Variants in HS3ST4 observed in about 807,000 individuals in gnomAD.
The protein encoded by HS3ST4 is heparan sulfate-glucosamine 3-sulfotransferase 4.
HS3ST4 carries 17 observed loss-of-function variants against 29.2 expected under a neutral mutation model. That is an observed-to-expected ratio of 0.58 (90% confidence interval 0.40 to 0.87). The LOEUF is 0.87. Ranked by LOEUF, HS3ST4 falls within the 40% of genes least tolerant of loss-of-function variation. The pLI is 0.00. For missense variants in HS3ST4, 627 were observed against 634.5 expected, an observed-to-expected ratio of 0.99 and a Z score of 0.13; for synonymous variants, 314 against 285.7, an observed-to-expected ratio of 1.10 and a Z score of -1.00.
intron 1 of HS3ST4, among the ~76,000 whole-genome samples, chr16:26,056,040 CAGAG>C (rs55688033): frequency 0.21 from 30,688 of 147,630 alleles, 3,384 homozygotes; most frequent in Non-Finnish European, 0.25. Flanking sequence ...AAGAGAGAGA[CAGAG>C]AGAGAGAGAG....
At chr16:25,807,093 C>T (rs1966997537) in intron 1 of HS3ST4, among the ~76,000 whole-genome samples, 1 of 152,168 alleles carries the variant, frequency 6.6e-6, no homozygotes, top group Admixed American at 6.5e-5. Flanking sequence ...CTGCCCCAGC[C>T]TCCTGAGTAG....
intron 1 of HS3ST4, among the ~76,000 whole-genome samples, chr16:25,736,114 T>G (rs545712460): frequency 2.0e-5 from 3 of 152,330 alleles, no homozygotes; most frequent in Admixed American, 6.5e-5. Context: ...CATCTCCTCA[T>G]ACCACAGATT....
At chr16:25,765,239 G>A (rs145629275) in intron 1 of HS3ST4, among the ~76,000 whole-genome samples, 30 of 152,270 alleles carry the variant, frequency 2.0e-4, no homozygotes, top group African/African-American at 6.7e-4. Flanking sequence ...AACGAATTCT[G>A]GCATGAAATT....
rs147568352 is a variant in HS3ST4, at chr16:25,965,201, G to A, written c.735-170411G>A. Reference sequence around the variant, plus strand: ...AAACATCTGGTTCCTTTCAGGGAAGGTGTAGGCAGAGTGAGTGGAACATTG... The same window carrying A: ...AAACATCTGGTTCCTTTCAGGGAAGATGTAGGCAGAGTGAGTGGAACATTG... On this transcript the variant is annotated intron_variant, in intron 1 of 1. Transcript: ENST00000331351. 7.7e-3 allele frequency among the ~76,000 whole-genome samples: 1,169 copies of A among 152,150 alleles called. 13 individuals carry two copies. Among genetic ancestry groups the A allele is most frequent in the Admixed American group, 0.013 (199 of 15,270 alleles).
intron 1 of HS3ST4, among the ~76,000 whole-genome samples, chr16:25,723,983 G>A (rs1966513725): frequency 6.6e-6 from 1 of 151,896 alleles, no homozygotes; most frequent in South Asian, 2.1e-4. Context: ...GTGTGTCGGC[G>A]GGTGCCTGTA....
At chr16:25,969,105 A>G (rs1968872438) in intron 1 of HS3ST4, among the ~76,000 whole-genome samples, 1 of 152,230 alleles carries the variant, frequency 6.6e-6, no homozygotes, top group African/African-American at 2.4e-5. Flanking sequence ...GGCGTGAGCC[A>G]CCATGCCCAA....
intron 1 of HS3ST4, among the ~76,000 whole-genome samples, chr16:25,812,404 A>C (rs1441369685): frequency 1.3e-5 from 2 of 152,130 alleles, no homozygotes; most frequent in Non-Finnish European, 2.9e-5. Context: ...CAGCAACTCT[A>C]TCTTCTCTGC....
At chr16:26,021,724 T>C (rs879427616) in intron 1 of HS3ST4, among the ~76,000 whole-genome samples, 16 of 151,032 alleles carry the variant, frequency 1.1e-4, no homozygotes, top group Non-Finnish European at 1.9e-4. Context: ...AGTGCAGTGG[T>C]GCGATCTCAG....
chr16:25,985,613 C>T (rs116465222), intron 1 of HS3ST4, among the ~76,000 whole-genome samples: 1,612 of 152,002 alleles, frequency 0.011, 32 homozygotes, highest in African/African-American at 0.037. Flanking sequence ...CTCCTCCCCC[C>T]CTTTAAAAAT....
At chr16:26,121,303 G>A (rs1464963105) in intron 1 of HS3ST4, among the ~76,000 whole-genome samples, 3 of 152,286 alleles carry the variant, frequency 2.0e-5, no homozygotes, top group Middle Eastern at 3.4e-3. Flanking sequence ...CTGGACATGC[G>A]ACTAGTGGAG....
chr16:25,841,134 T>C (rs1383271239), intron 1 of HS3ST4, among the ~76,000 whole-genome samples: 1 of 151,814 alleles, frequency 6.6e-6, no homozygotes, highest in East Asian at 1.9e-4. Context: ...GCCTCCCAAG[T>C]AGCTGGGACT....
At chr16:26,076,513 G>C (rs1032431140) in intron 1 of HS3ST4, among the ~76,000 whole-genome samples, 5 of 152,198 alleles carry the variant, frequency 3.3e-5, no homozygotes, top group African/African-American at 1.2e-4. Flanking sequence ...TAAGGTGGGG[G>C]ATAAGGGTTG....
At chr16:26,084,447 A>G (rs67365409) in intron 1 of HS3ST4, among the ~76,000 whole-genome samples, 18,643 of 152,158 alleles carry the variant, frequency 0.12, 1,466 homozygotes, top group Non-Finnish European at 0.17. Context: ...TTCTTTCTGA[A>G]TGCAAGTCTC....
At chr16:25,769,763 G>GA (rs1203068378) in intron 1 of HS3ST4, among the ~76,000 whole-genome samples, 3 of 152,198 alleles carry the variant, frequency 2.0e-5, no homozygotes, top group Non-Finnish European at 4.4e-5. Context: ...CCTAGATAAT[G>GA]AACGCAGGGT....
intron 1 of HS3ST4, among the ~76,000 whole-genome samples, chr16:26,024,457 C>T (rs147554779): frequency 2.0e-5 from 3 of 151,916 alleles, no homozygotes; most frequent in Admixed American, 6.6e-5. Context: ...CAGGGCTGGG[C>T]GCAGTAGCTT....
chr16:25,771,986 T>C (rs1966842899), intron 1 of HS3ST4, among the ~76,000 whole-genome samples: 2 of 152,216 alleles, frequency 1.3e-5, no homozygotes, highest in South Asian at 4.1e-4. Context: ...TAGTCTGGCG[T>C]TGGCAAACTT....
At chr16:25,857,427 C>A (rs889403688) in intron 1 of HS3ST4, among the ~76,000 whole-genome samples, 4 of 152,140 alleles carry the variant, frequency 2.6e-5, no homozygotes, top group African/African-American at 9.7e-5. Context: ...CATGCTGTAA[C>A]TGAAACCTTA....
At chr16:25,963,246 G>A (rs1596628167) in intron 1 of HS3ST4, among the ~76,000 whole-genome samples, 1 of 152,114 alleles carries the variant, frequency 6.6e-6, no homozygotes, top group East Asian at 1.9e-4. Context: ...CCCAATGCAA[G>A]GGTTAGCCAC....
chr16:25,978,118 C>A (rs1338965807), intron 1 of HS3ST4, among the ~76,000 whole-genome samples: 1 of 152,168 alleles, frequency 6.6e-6, no homozygotes, highest in Non-Finnish European at 1.5e-5. Flanking sequence ...GTTTTTGACA[C>A]AAAATGGGTA....
Sources: gnomAD v4.1 joint callset for allele counts (sites outside exome capture counted in the v4.1 genomes callset) on GRCh38, gnomAD v4.1.1 for gene constraint, MANE v1.5 for transcripts, NCBI Gene and HGNC (gene_info 2026-07-23, HGNC 2026-07-21) for gene names.